SH3BGRL: variants seen among roughly 807,000 people sequenced by gnomAD.
SH3BGRL encodes SH3 domain binding glutamate rich protein like.
In SH3BGRL, 7 loss-of-function variants were observed where a neutral mutation model predicts 9.8. That is an observed-to-expected ratio of 0.72 (90% CI 0.41 to 1.35). The LOEUF (loss-of-function observed/expected upper bound fraction) is 1.35. Among genes scored for constraint, SH3BGRL ranks in the 40% most tolerant of loss-of-function variants. The pLI, the probability that SH3BGRL is intolerant of heterozygous loss-of-function variation, is 0.01. For missense variants in SH3BGRL, 73 were observed against 84.4 expected, an observed-to-expected ratio of 0.86 and a Z score of 0.53; for synonymous variants, 36 against 29.1, an observed-to-expected ratio of 1.24 and a Z score of -0.76.
intron 1 of SH3BGRL, among the ~76,000 whole-genome samples, chrX:81,233,960 A>G (rs2075640144): frequency 8.9e-6 from 1 of 111,872 alleles, no homozygotes; most frequent in Non-Finnish European, 1.9e-5. Context: ...TGGCAGGCCC[A>G]TCTTAACTGC....
intron 1 of SH3BGRL, among the ~76,000 whole-genome samples, chrX:81,251,327 A>G (rs769383659): frequency 1.8e-4 from 20 of 111,969 alleles, no homozygotes; most frequent in Non-Finnish European, 3.0e-4. Context: ...TATTAGTTTA[A>G]AGCCACTCTT....
At chrX:81,272,494 T>C (rs1421448319) in intron 1 of SH3BGRL, among the ~76,000 whole-genome samples, 1 of 108,811 alleles carries the variant, frequency 9.2e-6, no homozygotes, top group Admixed American at 9.8e-5. Context: ...TTTTCTTTTT[T>C]TTCTTTTCTT....
intron 1 of SH3BGRL, among the ~76,000 whole-genome samples, chrX:81,234,170 T>G (rs1266501790): frequency 1.8e-5 from 2 of 111,898 alleles, no homozygotes; most frequent in Non-Finnish European, 3.8e-5. Context: ...TTATTGGCCC[T>G]TTCTAAATTC....
intron 3 of SH3BGRL, among the ~76,000 whole-genome samples, chrX:81,285,757 C>A (rs2075832184): frequency 9.0e-6 from 1 of 111,223 alleles, no homozygotes; most frequent in Admixed American, 9.6e-5. Flanking sequence ...TGAACTTGGA[C>A]TGTCATGAAG....
At chrX:81,225,550 G>A (rs1025981387) in intron 1 of SH3BGRL, among the ~76,000 whole-genome samples, 24 of 111,219 alleles carry the variant, frequency 2.2e-4, no homozygotes, top group Non-Finnish European at 3.8e-4. Flanking sequence ...TAGGATAATG[G>A]GAAATTGCAT....
chrX:81,253,202 T>C (rs2075716050), intron 1 of SH3BGRL, among the ~76,000 whole-genome samples: 1 of 111,925 alleles, frequency 8.9e-6, no homozygotes, highest in Non-Finnish European at 1.9e-5. Flanking sequence ...AGAGTGAAAA[T>C]AGGTAAAGAT....
intron 1 of SH3BGRL, among the ~76,000 whole-genome samples, chrX:81,248,674 T>G (rs1273126173): frequency 8.9e-6 from 1 of 112,501 alleles, no homozygotes; most frequent in Non-Finnish European, 1.9e-5. Context: ...AAAACATGAC[T>G]GGCTTTTATG....
At chrX:81,220,057 A>G (rs914903958) in intron 1 of SH3BGRL, among the ~76,000 whole-genome samples, 3 of 111,258 alleles carry the variant, frequency 2.7e-5, no homozygotes, top group African/African-American at 9.8e-5. Context: ...AATGTTCATC[A>G]GGGATATTGG....
chrX:81,256,197 T>C (rs771456192), intron 1 of SH3BGRL, among the ~76,000 whole-genome samples: 9 of 112,265 alleles, frequency 8.0e-5, no homozygotes, highest in Non-Finnish European at 1.7e-4. Context: ...TTCAGATTTA[T>C]TTAACTTCAG....
At chrX:81,295,482 C>T (rs1001173438) in intron 3 of SH3BGRL, among the ~76,000 whole-genome samples, 1 of 111,330 alleles carries the variant, frequency 9.0e-6, no homozygotes, top group African/African-American at 3.3e-5. Flanking sequence ...CTGAGGTCTC[C>T]CCAGCCATGT....
rs745784406 is a variant in SH3BGRL, at chrX:81,267,560, CT to C, written c.46-9422del. ...CCTTGCCTCCCAGGGATGAAGCTGA[CT>C]TGATTGTGGTGGATAAGCTTTTTGA... On this transcript the variant is annotated intron_variant, in intron 1 of 3. Transcript: ENST00000373212. Among the ~76,000 whole-genome samples, 9 of 111,573 alleles carry C rather than the reference CT, an allele frequency of 8.1e-5. No individual in the cohort carries two copies. In the East Asian group the frequency reaches 2.2e-3, roughly 28 times the overall value.
At chrX:81,206,044 A>T (rs1482930141) in intron 1 of SH3BGRL, among the ~76,000 whole-genome samples, 1 of 111,654 alleles carries the variant, frequency 9.0e-6, no homozygotes, top group African/African-American at 3.3e-5. Flanking sequence ...TTTGCCATTT[A>T]AAAAAATTGG....
At chrX:81,265,582 G>A (rs1226571719) in intron 1 of SH3BGRL, among the ~76,000 whole-genome samples, 2 of 111,674 alleles carry the variant, frequency 1.8e-5, no homozygotes, top group East Asian at 5.6e-4. Context: ...GCATATATGT[G>A]CCACATTTTC....
At chrX:81,233,258 G>A (rs2075638367) in intron 1 of SH3BGRL, among the ~76,000 whole-genome samples, 1 of 111,904 alleles carries the variant, frequency 8.9e-6, no homozygotes, top group Non-Finnish European at 1.9e-5. Flanking sequence ...AAATAGTTGT[G>A]TGTTTAAGTG....
chrX:81,277,531 A>C (rs774537128), intron 2 of SH3BGRL, among the ~76,000 whole-genome samples: 1 of 112,415 alleles, frequency 8.9e-6, no homozygotes, highest in East Asian at 2.8e-4. Context: ...TGCATCATGG[A>C]CATCTCATTG....
intron 3 of SH3BGRL, among the ~76,000 whole-genome samples, chrX:81,286,280 T>G (rs1242974707): frequency 1.8e-5 from 2 of 110,478 alleles, no homozygotes; most frequent in African/African-American, 6.6e-5. Context: ...GGCAAAGGCA[T>G]GTTCACTTAT....
intron 1 of SH3BGRL, among the ~76,000 whole-genome samples, chrX:81,214,801 T>C (rs1305342145): frequency 2.7e-5 from 3 of 112,222 alleles, no homozygotes; most frequent in Admixed American, 9.4e-5. Flanking sequence ...CTGGACAATT[T>C]TTATTACCAC....
At chrX:81,285,695 A>C (rs1483278100) in intron 3 of SH3BGRL, among the ~76,000 whole-genome samples, 1 of 112,116 alleles carries the variant, frequency 8.9e-6, no homozygotes, top group Non-Finnish European at 1.9e-5. Context: ...GAACTTTAGA[A>C]ACTAGTTAAG....
chrX:81,294,240 T>A (rs1321396219), intron 3 of SH3BGRL, among the ~76,000 whole-genome samples: 2 of 111,394 alleles, frequency 1.8e-5, no homozygotes, highest in Non-Finnish European at 3.8e-5. Context: ...CCAGGGCATG[T>A]CAGAGGTCTT....
Sources: allele counts gnomAD v4.1 joint callset (sites outside exome capture counted in the v4.1 genomes callset), GRCh38; gene constraint gnomAD v4.1.1; transcripts MANE v1.5; gene names NCBI Gene and HGNC (gene_info 2026-07-23, HGNC 2026-07-21).